The following FAM234A variants were observed in gnomAD, a reference collection of about 807,000 sequenced individuals.
FAM234A encodes family with sequence similarity 234 member A, also known as protein FAM234A.
Under a neutral mutation model 49.1 loss-of-function variants are expected in FAM234A, and 42 were observed. That is an observed-to-expected ratio of 0.86 (90% confidence interval 0.67 to 1.11). The LOEUF is 1.11. Ranked by LOEUF, FAM234A falls within the 50% of genes least tolerant of loss-of-function variation. FAM234A has a pLI of 0.00. For synonymous variants in FAM234A, 369 were observed against 316.2 expected, an observed-to-expected ratio of 1.17 and a Z score of -1.77; for missense variants, 815 against 745.2, an observed-to-expected ratio of 1.09 and a Z score of -1.09.
intron 10 of FAM234A, 42 bp downstream of exon 10, chr16:263,817 C>T: frequency 6.5e-7 from 1 of 1,533,298 alleles, no homozygotes; most frequent in Non-Finnish European, 9.0e-7. Flanking sequence ...TTGTTCTTAG[C>T]TGAGGATAGA....
rs1317686710 is a variant in FAM234A at position 262,966 on chromosome 16, C to T, written c.972-296C>T. ...TCCCGAGTAGCTGGGATTACAGGCG[C>T]GCACCTCCACGCCCAGCTAATTTTT... On this transcript the variant is annotated intron_variant, in intron 8 of 12. Coordinates refer to ENST00000399932, the MANE Select transcript of FAM234A (RefSeq NM_032039.4). Among the ~76,000 whole-genome samples the T allele has an allele frequency of 7.9e-5, 12 of 151,988 alleles. 1 individual carries two copies. In the East Asian group the frequency reaches 1.5e-3, roughly 20 times the overall value.
intron 1 of FAM234A, among the ~76,000 whole-genome samples, chr16:235,362 C>G (rs558731815): frequency 2.2e-4 from 33 of 152,290 alleles, no homozygotes; most frequent in African/African-American, 7.9e-4. Flanking sequence ...TCCGGCACCC[C>G]GGGAAAGCTC....
intron 1 of FAM234A, chr16:248,125 G>A (rs2050879020): frequency 6.6e-6 from 1 of 152,080 alleles, no homozygotes; most frequent in East Asian, 1.9e-4. Flanking sequence ...TGCTCTGCAG[G>A]TGAGGACACT....
At position 263,314 on chromosome 16, in the gene FAM234A, G is replaced by T; in HGVS notation, c.1024G>T (p.Val342Leu). The T allele has an allele frequency of 6.2e-7, 1 of 1,613,258 alleles. No homozygotes were observed. Among genetic ancestry groups the T allele is most frequent in the Admixed American group, 1.7e-5 (1 of 60,032 alleles). The change falls in exon 9 of 13, where the codon GTG becomes TTG. Residue 342 changes from valine (V) to leucine (L), a missense_variant. By Grantham distance (32) the Val-to-Leu change is conservative. Coordinates refer to ENST00000399932, the MANE Select transcript of FAM234A (RefSeq NM_032039.4). ...MHVPGNAGAD[V>L]LLVGSEAFVL... ...TGTCCCAGGGAACGCCGGTGCAGAT[G>T]TGCTTCTTGTGGGCTCAGAGGCCTT...
chr16:242,132 A>G (rs1370543000), intron 1 of FAM234A, among the ~76,000 whole-genome samples: 3 of 152,130 alleles, frequency 2.0e-5, no homozygotes, highest in African/African-American at 7.2e-5. Context: ...CAGAGTTTCC[A>G]CTCAGGACTG....
At position 266,053 on chromosome 16, in the gene FAM234A, C is replaced by T; in HGVS notation, c.*1031C>T. 1.0e-6 allele frequency: 1 copy of T among 986,048 alleles called. No individual in the cohort carries two copies. Among genetic ancestry groups the T allele is most frequent in the Non-Finnish European group, 1.2e-6 (1 of 830,100 alleles). The allele number at this position is 986,048 out of a possible 1,614,324, so 61.1% of individuals were successfully genotyped here. On this transcript the variant is annotated 3_prime_UTR_variant, in exon 13 of 13. Transcript: ENST00000399932. Reference sequence around the variant, plus strand: ...CCAAAGCAGCCTGATGACCCACCCACCAAGGAAGAAAGCAGAATAAACATT... The same window carrying T: ...CCAAAGCAGCCTGATGACCCACCCATCAAGGAAGAAAGCAGAATAAACATT...
chr16:257,411 AATGT>A (rs1403050984), intron 3 of FAM234A, among the ~76,000 whole-genome samples: 3 of 150,658 alleles, frequency 2.0e-5, no homozygotes, highest in African/African-American at 4.9e-5. Flanking sequence ...ATGCCTGGCT[AATGT>A]ATGTATTTTT....
At chr16:254,164 G>C (rs2051132999) in intron 2 of FAM234A, 1 of 522,692 alleles carries the variant, frequency 1.9e-6, no homozygotes, top group Non-Finnish European at 3.4e-6. Context: ...GCTCTCCACA[G>C]CTAACTCGCC....
At chr16:244,222 C>T (rs1442508012) in intron 1 of FAM234A, among the ~76,000 whole-genome samples, 1 of 152,172 alleles carries the variant, frequency 6.6e-6, no homozygotes, top group Non-Finnish European at 1.5e-5. Context: ...CCCGCCTTGG[C>T]CTCCCAAAGT....
chr16:248,896 C>T (rs1306422708), intron 1 of FAM234A, among the ~76,000 whole-genome samples: 1 of 151,960 alleles, frequency 6.6e-6, no homozygotes, highest in Non-Finnish European at 1.5e-5. Context: ...GCTGGGATTA[C>T]AGGTGTGAGG....
chr16:264,727 C>T lies in FAM234A; in HGVS notation c.1447+11C>T, dbSNP rs2051625407. On this transcript the variant is annotated intron_variant, in intron 12 of 12. Coordinates refer to ENST00000399932, the MANE Select transcript of FAM234A (RefSeq NM_032039.4). The stretch of plus-strand genomic sequence containing the variant: ...TTGTCGCCTTTGACGGTGAGTGTGG[C>T]CTCGGCCAGGGACCCGGGTGTTCCG... The T allele has an allele frequency of 1.2e-6, 2 of 1,609,800 alleles. No individual in the cohort carries two copies. The highest frequency in any genetic ancestry group is 1.3e-5 in the African/African-American group (1 of 75,012).
chr16:268,092 G>A (rs1487267487), downstream of FAM234A, among the ~76,000 whole-genome samples: 3 of 144,422 alleles, frequency 2.1e-5, no homozygotes, highest in Non-Finnish European at 4.4e-5. Context: ...ACACACTTGT[G>A]CCTCAGTGCT....
chr16:252,634 C>G (rs1362473996), intron 2 of FAM234A, among the ~76,000 whole-genome samples: 1 of 152,210 alleles, frequency 6.6e-6, no homozygotes, highest in Non-Finnish European at 1.5e-5. Context: ...GTACGATGTT[C>G]TGATTTCTCC....
chr16:268,174 G>C (rs555575217), downstream of FAM234A: 1 of 168,884 alleles, frequency 5.9e-6, no homozygotes, highest in Admixed American at 5.6e-5. Flanking sequence ...CTGCACACGT[G>C]CACTACACAC....
intron 1 of FAM234A, among the ~76,000 whole-genome samples, chr16:249,035 A>T (rs973676436): frequency 6.6e-6 from 1 of 151,954 alleles, no homozygotes; most frequent in Non-Finnish European, 1.5e-5. Flanking sequence ...TAGAAGAAGG[A>T]TTAAGAAAGG....
intron 1 of FAM234A, among the ~76,000 whole-genome samples, chr16:238,411 A>G (rs1019184739): frequency 1.3e-5 from 2 of 152,110 alleles, no homozygotes; most frequent in Non-Finnish European, 2.9e-5. Context: ...GCTGGCCGTA[A>G]TCTCTGGGAA....
intron 1 of FAM234A, among the ~76,000 whole-genome samples, chr16:247,411 G>A (rs556438910): frequency 6.6e-6 from 1 of 151,794 alleles, no homozygotes; most frequent in Admixed American, 6.6e-5. Context: ...TTATAGACAT[G>A]AGACAACACT....
downstream of FAM234A, chr16:269,578 TA>T: frequency 2.5e-6 from 4 of 1,612,832 alleles, no homozygotes; most frequent in Non-Finnish European, 3.4e-6. Flanking sequence ...GAACCTTGGG[TA>T]GGAGTCCTAC....
rs756719253 is a variant in FAM234A, at chr16:264,175, C to T, written c.1344+4C>T. On this transcript the variant is annotated splice_donor_region_variant and intron_variant, in intron 11 of 12. Coordinates refer to ENST00000399932, the MANE Select transcript of FAM234A (RefSeq NM_032039.4). Reference sequence around the variant, plus strand: ...GCTGGGGAGCACCAGCGAGACGGTACGGGAGCCACCCTCGGAGCAGCCATG... The same window carrying T: ...GCTGGGGAGCACCAGCGAGACGGTATGGGAGCCACCCTCGGAGCAGCCATG... 148 of 1,595,118 alleles carry T rather than the reference C, an allele frequency of 9.3e-5. No individual in the cohort carries two copies. The highest frequency in any genetic ancestry group is 1.7e-4 in the Middle Eastern group (1 of 6,048).
Sources: gnomAD v4.1 joint callset for allele counts (sites outside exome capture counted in the v4.1 genomes callset) on GRCh38, gnomAD v4.1.1 for gene constraint, MANE v1.5 for transcripts, NCBI Gene and HGNC (gene_info 2026-07-23, HGNC 2026-07-21) for gene names.